Variants in CSMD3 observed in about 807,000 individuals in gnomAD.
The protein encoded by CSMD3 is CUB and Sushi multiple domains 3.
In CSMD3, 177 loss-of-function variants were observed where a neutral mutation model predicts 435.2. That is an observed-to-expected ratio of 0.41 (90% CI 0.36 to 0.46). CSMD3 has a LOEUF of 0.46. CSMD3 is among the 20% of genes least tolerant of loss of function. CSMD3 has a pLI of 0.34. For missense variants in CSMD3, 4,265 were observed against 4,504.6 expected (o/e 0.95, Z 1.52); for synonymous variants, 1,656 against 1,520.5 (o/e 1.09, Z -2.07).
intron 13 of CSMD3, among the ~76,000 whole-genome samples, chr8:112,766,763 A>C (rs1296092890): frequency 2.0e-5 from 3 of 151,866 alleles, no homozygotes; most frequent in African/African-American, 7.2e-5. Flanking sequence ...AAGGAGAAGC[A>C]GCAGCAGAGA....
chr8:112,592,349 G>A (rs1001488093), intron 22 of CSMD3, among the ~76,000 whole-genome samples: 1 of 151,708 alleles, frequency 6.6e-6, no homozygotes, highest in Admixed American at 6.6e-5. Context: ...GGCAATAATA[G>A]TACTTAACTG....
At chr8:112,893,717 T>C (rs2130355690) in intron 10 of CSMD3, among the ~76,000 whole-genome samples, 1 of 151,618 alleles carries the variant, frequency 6.6e-6, no homozygotes, top group Non-Finnish European at 1.5e-5. Flanking sequence ...CGGTTTTATT[T>C]CTAATAGTGT....
At chr8:113,288,541 G>A (rs182808057) in intron 2 of CSMD3, among the ~76,000 whole-genome samples, 5 of 151,786 alleles carry the variant, frequency 3.3e-5, no homozygotes, top group African/African-American at 7.2e-5. Flanking sequence ...AATAACTGAC[G>A]TTTAAGGTTA....
chr8:113,330,016 G>T (rs932235665), intron 1 of CSMD3, among the ~76,000 whole-genome samples: 4 of 152,064 alleles, frequency 2.6e-5, no homozygotes, highest in African/African-American at 9.7e-5. Context: ...TACCAGTAAA[G>T]CAGCTACCTA....
At chr8:112,585,268 T>A (rs953041470) in intron 23 of CSMD3, among the ~76,000 whole-genome samples, 1 of 151,634 alleles carries the variant, frequency 6.6e-6, no homozygotes. Context: ...TAGTATATAA[T>A]ATTTTCAACT....
chr8:112,642,265 AG>A (rs1264839280), intron 20 of CSMD3, among the ~76,000 whole-genome samples: 2 of 152,080 alleles, frequency 1.3e-5, no homozygotes, highest in East Asian at 1.9e-4. Flanking sequence ...TAAAAGTCTA[AG>A]GGTTTTTCCT....
chr8:113,106,336 A>G (rs2090475992), intron 4 of CSMD3, among the ~76,000 whole-genome samples: 1 of 152,140 alleles, frequency 6.6e-6, no homozygotes, highest in South Asian at 2.1e-4. Flanking sequence ...TAAAAAAAAA[A>G]TACTCAATGG....
rs543689811 is a variant in CSMD3 at position 112,677,764 on chromosome 8, C to T, written c.2677+4678G>A. On this transcript the variant is annotated intron_variant, in intron 16 of 70. Coordinates refer to ENST00000297405, the MANE Select transcript of CSMD3 (RefSeq NM_198123.2). ...AACTTCACAACAAAAAATAGTAACT[C>T]AAGAAACTTTCTCCTGAAATAACTA... 6.6e-5 allele frequency among the ~76,000 whole-genome samples: 10 copies of T among 152,094 alleles called. No individual in the cohort carries two copies. The South Asian group carries it at 1.0e-3, about 16-fold the overall frequency.
At chr8:112,664,609 T>C (rs2075473105) in intron 17 of CSMD3, among the ~76,000 whole-genome samples, 3 of 152,174 alleles carry the variant, frequency 2.0e-5, no homozygotes, top group African/African-American at 7.2e-5. Context: ...CAAATTTCTA[T>C]GTTGAAATCT....
At chr8:113,310,398 G>A (rs769965668) in intron 2 of CSMD3, 3 of 151,644 alleles carry the variant, frequency 2.0e-5, no homozygotes, top group Non-Finnish European at 2.9e-5. Flanking sequence ...TCACTTATTT[G>A]TGCAGAAAAA....
intron 1 of CSMD3, among the ~76,000 whole-genome samples, chr8:113,387,949 A>G (rs1023593876): frequency 4.0e-5 from 6 of 151,732 alleles, no homozygotes; most frequent in Non-Finnish European, 8.9e-5. Flanking sequence ...GAAACTGGAC[A>G]GAAGAACAGT....
At chr8:112,700,365 G>A (rs945593425) in intron 13 of CSMD3, among the ~76,000 whole-genome samples, 8 of 152,080 alleles carry the variant, frequency 5.3e-5, no homozygotes, top group Admixed American at 4.6e-4. Context: ...GCTGGGCATG[G>A]TGGCAGGTGC....
chr8:112,510,562 T>G (rs1823008253), intron 28 of CSMD3, among the ~76,000 whole-genome samples: 1 of 152,216 alleles, frequency 6.6e-6, no homozygotes, highest in Non-Finnish European at 1.5e-5. Context: ...CACTACTTCA[T>G]CTCTCTCTAA....
chr8:112,658,423 A>G (rs1323827646), intron 17 of CSMD3, among the ~76,000 whole-genome samples: 2 of 152,182 alleles, frequency 1.3e-5, no homozygotes, highest in Non-Finnish European at 1.5e-5. Context: ...TGATATTATT[A>G]TGAACATAGC....
At chr8:112,844,800 T>C (rs1055287394) in intron 11 of CSMD3, among the ~76,000 whole-genome samples, 4 of 151,988 alleles carry the variant, frequency 2.6e-5, no homozygotes, top group African/African-American at 4.8e-5. Context: ...TCGGTTGTTT[T>C]AATTAAGACC....
chr8:112,258,533 T>C (rs562533580), intron 61 of CSMD3, among the ~76,000 whole-genome samples: 7 of 152,318 alleles, frequency 4.6e-5, no homozygotes, highest in Non-Finnish European at 8.8e-5. Flanking sequence ...GAAAAGCTCA[T>C]CATCACTGGT....
intron 4 of CSMD3, among the ~76,000 whole-genome samples, chr8:113,115,085 TC>T (rs1328769869): frequency 6.6e-6 from 1 of 152,186 alleles, no homozygotes; most frequent in Non-Finnish European, 1.5e-5. Context: ...TAACAAGCCT[TC>T]CAGGTGAATC....
At chr8:112,481,375 A>C (rs917289881) in intron 31 of CSMD3, among the ~76,000 whole-genome samples, 14 of 152,224 alleles carry the variant, frequency 9.2e-5, no homozygotes, top group African/African-American at 3.1e-4. Context: ...GCAATTTCAC[A>C]TCTGTCTCTT....
intron 5 of CSMD3, among the ~76,000 whole-genome samples, chr8:113,031,764 G>T (rs2087119625): frequency 6.6e-6 from 1 of 151,470 alleles, no homozygotes; most frequent in African/African-American, 2.4e-5. Context: ...GGGGATAGTG[G>T]GTGAACAATA....
Sources: gnomAD v4.1 joint callset for allele counts (sites outside exome capture counted in the v4.1 genomes callset) on GRCh38, gnomAD v4.1.1 for gene constraint, MANE v1.5 for transcripts, NCBI Gene and HGNC (gene_info 2026-07-23, HGNC 2026-07-21) for gene names.